Variants in KCNMB2 observed in about 807,000 individuals in gnomAD.
KCNMB2 encodes the protein potassium calcium-activated channel subfamily M regulatory beta subunit 2.
Under a neutral mutation model 24.5 loss-of-function variants are expected in KCNMB2, and 9 were observed. The observed-to-expected ratio is 0.37, with a 90% CI of 0.22 to 0.64. The LOEUF (loss-of-function observed/expected upper bound fraction) is 0.64. Ranked by LOEUF, KCNMB2 falls within the 30% of genes least tolerant of loss-of-function variation. The pLI is 0.63. For missense variants in KCNMB2, 226 were observed against 284.3 expected, an observed-to-expected ratio of 0.79 and a Z score of 1.47; for synonymous variants, 109 against 104.4, an observed-to-expected ratio of 1.04 and a Z score of -0.27.
At chr3:178,569,053 T>C (rs1716672597) in intron 1 of KCNMB2, among the ~76,000 whole-genome samples, 1 of 151,658 alleles carries the variant, frequency 6.6e-6, no homozygotes, top group Admixed American at 6.6e-5. Flanking sequence ...ATATCAGGAG[T>C]TGACTGGCTT....
chr3:178,671,295 A>G (rs1720889607), intron 1 of KCNMB2, among the ~76,000 whole-genome samples: 1 of 152,182 alleles, frequency 6.6e-6, no homozygotes, highest in Non-Finnish European at 1.5e-5. Flanking sequence ...TAATTCCACT[A>G]AACTACAAGA....
At chr3:178,828,569 CA>C (rs1714925994) in intron 4 of KCNMB2, among the ~76,000 whole-genome samples, 196 bp downstream of exon 4, 1 of 152,158 alleles carries the variant, frequency 6.6e-6, no homozygotes, top group Non-Finnish European at 1.5e-5. Context: ...GTGGACAAAT[CA>C]TTCCTACATT....
intron 1 of KCNMB2, among the ~76,000 whole-genome samples, chr3:178,563,605 A>G (rs935740124): frequency 6.6e-6 from 1 of 152,174 alleles, no homozygotes; most frequent in Non-Finnish European, 1.5e-5. Flanking sequence ...GACAGGACTC[A>G]TCCCTGCTTT....
At chr3:178,797,858 C>T (rs1713613562) in intron 1 of KCNMB2, among the ~76,000 whole-genome samples, 1 of 152,096 alleles carries the variant, frequency 6.6e-6, no homozygotes, top group African/African-American at 2.4e-5. Context: ...CACTTCCCTT[C>T]TTAGCTGTAT....
intron 1 of KCNMB2, among the ~76,000 whole-genome samples, chr3:178,726,018 CT>C (rs546917224): frequency 4.0e-4 from 61 of 151,484 alleles, no homozygotes; most frequent in South Asian, 1.9e-3. Context: ...TATTCCTTGA[CT>C]TTTTTGGATA....
chr3:178,574,385 T>C (rs1435671671), intron 1 of KCNMB2, among the ~76,000 whole-genome samples: 1 of 152,240 alleles, frequency 6.6e-6, no homozygotes, highest in Non-Finnish European at 1.5e-5. Flanking sequence ...TCCGGACATA[T>C]CTTATCTCTT....
At chr3:178,653,796 CTGAGA>C (rs1358688718) in intron 1 of KCNMB2, among the ~76,000 whole-genome samples, 1 of 152,014 alleles carries the variant, frequency 6.6e-6, no homozygotes, top group Non-Finnish European at 1.5e-5. Context: ...ATTTGGCTAG[CTGAGA>C]TTTTACTTGC....
chr3:178,818,397 C>T (rs73053720), intron 2 of KCNMB2, among the ~76,000 whole-genome samples: 40,010 of 151,982 alleles, frequency 0.26, 7,079 homozygotes, highest in African/African-American at 0.51. Context: ...CCAGCATGCA[C>T]TAGCTGTTTT....
chr3:178,623,923 G>T (rs953138323), intron 1 of KCNMB2, among the ~76,000 whole-genome samples: 2 of 152,168 alleles, frequency 1.3e-5, no homozygotes, highest in Non-Finnish European at 2.9e-5. Context: ...TATTTGCCCA[G>T]GAGCTCTCCT....
intron 4 of KCNMB2, among the ~76,000 whole-genome samples, chr3:178,828,759 G>A (rs58819411): frequency 0.035 from 5,338 of 152,166 alleles, 315 homozygotes; most frequent in African/African-American, 0.12. Flanking sequence ...TTTGTCCATG[G>A]TCAATGTCAT....
chr3:178,763,738 C>T (rs781143333), intron 1 of KCNMB2, among the ~76,000 whole-genome samples: 14 of 152,068 alleles, frequency 9.2e-5, no homozygotes, highest in Non-Finnish European at 1.3e-4. Flanking sequence ...GAGAATCAAA[C>T]GAAACACACC....
chr3:178,551,166 A>C (rs1300559154), intron 1 of KCNMB2, among the ~76,000 whole-genome samples: 1 of 152,226 alleles, frequency 6.6e-6, no homozygotes, highest in Non-Finnish European at 1.5e-5. Context: ...AGGGCCGGTG[A>C]GGATGAAGGA....
intron 1 of KCNMB2, among the ~76,000 whole-genome samples, chr3:178,635,144 T>C (rs943543002): frequency 1.2e-4 from 19 of 152,218 alleles, no homozygotes; most frequent in Non-Finnish European, 2.2e-4. Context: ...GAAACAGCAA[T>C]GCCCAGTGCA....
At chr3:178,740,342 G>A (rs185519091) in intron 1 of KCNMB2, among the ~76,000 whole-genome samples, 22 of 151,926 alleles carry the variant, frequency 1.4e-4, no homozygotes, top group Non-Finnish European at 2.5e-4. Flanking sequence ...GGATGGTCTC[G>A]ATCTCCTGAC....
chr3:178,595,860 T>C (rs1358473236), intron 1 of KCNMB2, among the ~76,000 whole-genome samples: 2 of 152,130 alleles, frequency 1.3e-5, no homozygotes, highest in African/African-American at 4.8e-5. Flanking sequence ...CTTTTTTACA[T>C]TTCAGATTGA....
chr3:178,722,182 C>T (rs1722828508), intron 1 of KCNMB2, among the ~76,000 whole-genome samples: 1 of 152,010 alleles, frequency 6.6e-6, no homozygotes, highest in Admixed American at 6.6e-5. Flanking sequence ...TTTTACCTAT[C>T]ATATATTTTT....
At chr3:178,743,989 G>A (rs1466893956) in intron 1 of KCNMB2, among the ~76,000 whole-genome samples, 2 of 152,190 alleles carry the variant, frequency 1.3e-5, no homozygotes. Flanking sequence ...AGTTCAGAGG[G>A]TATAGGCATA....
chr3:178,775,325 C>A (rs143872772), intron 1 of KCNMB2, among the ~76,000 whole-genome samples: 1 of 151,966 alleles, frequency 6.6e-6, no homozygotes, highest in African/African-American at 2.4e-5. Context: ...CTGACACCTA[C>A]TATGTGTTAT....
chr3:178,802,312 T>A (rs1407718891), intron 1 of KCNMB2, among the ~76,000 whole-genome samples: 1 of 152,196 alleles, frequency 6.6e-6, no homozygotes, highest in Admixed American at 6.6e-5. Context: ...TGTTAAATAG[T>A]TCCATGGGCT....
Sources: gnomAD v4.1 joint callset for allele counts (sites outside exome capture counted in the v4.1 genomes callset) on GRCh38, gnomAD v4.1.1 for gene constraint, MANE v1.5 for transcripts, NCBI Gene and HGNC (gene_info 2026-07-23, HGNC 2026-07-21) for gene names.